The following CSMD1 variants were observed in gnomAD, a reference collection of about 807,000 sequenced individuals.
The protein encoded by CSMD1 is CUB and sushi domain-containing protein 1.
CSMD1 carries 213 observed loss-of-function variants against 417.5 expected under a neutral mutation model. The ratio of observed to expected loss-of-function variants is 0.51; its 90% CI spans 0.46 to 0.57. CSMD1 has a LOEUF of 0.57. CSMD1 is among the 20% of genes least tolerant of loss of function. The pLI is 0.00. For missense variants in CSMD1, 6,923 were observed against 4,529.7 expected (o/e 1.53, Z -15.17); for synonymous variants, 2,862 against 1,736.8 (o/e 1.65, Z -16.11).
chr8:4,402,969 G>A (rs148748098), intron 3 of CSMD1, among the ~76,000 whole-genome samples: 5 of 151,726 alleles, frequency 3.3e-5, no homozygotes, highest in African/African-American at 1.2e-4. Flanking sequence ...ACAGGTACCT[G>A]CCACCATGCC....
intron 26 of CSMD1, among the ~76,000 whole-genome samples, chr8:3,270,845 T>G (rs1161850004): frequency 1.3e-5 from 2 of 152,168 alleles, no homozygotes; most frequent in African/African-American, 4.8e-5. Flanking sequence ...ACTCACAGTT[T>G]CACATGGCTG....
At chr8:4,227,689 T>G (rs1213289871) in intron 3 of CSMD1, among the ~76,000 whole-genome samples, 1 of 151,882 alleles carries the variant, frequency 6.6e-6, no homozygotes, top group Non-Finnish European at 1.5e-5. Flanking sequence ...CATCCTACAT[T>G]AAACCCCACA....
chr8:4,226,125 C>G (rs1441605090), intron 3 of CSMD1, among the ~76,000 whole-genome samples: 1 of 151,740 alleles, frequency 6.6e-6, no homozygotes, highest in African/African-American at 2.4e-5. Flanking sequence ...CACATACACA[C>G]TTGCTAGCAT....
chr8:4,839,388 C>T (rs1640169384), intron 1 of CSMD1, among the ~76,000 whole-genome samples: 1 of 152,130 alleles, frequency 6.6e-6, no homozygotes, highest in Admixed American at 6.5e-5. Flanking sequence ...AGTATCACAT[C>T]ACAGTTAGCT....
chr8:3,823,644 C>A (rs892964648), intron 5 of CSMD1, among the ~76,000 whole-genome samples: 2 of 151,936 alleles, frequency 1.3e-5, no homozygotes, highest in Non-Finnish European at 2.9e-5. Flanking sequence ...TAATGTATAA[C>A]AATAAAAATA....
At chr8:3,414,628 T>G (rs1280232295) in intron 12 of CSMD1, among the ~76,000 whole-genome samples, 1 of 152,186 alleles carries the variant, frequency 6.6e-6, no homozygotes, top group African/African-American at 2.4e-5. Flanking sequence ...GTGACCAACT[T>G]TGTTCTTAGT....
chr8:3,326,521 C>G (rs528707345), intron 23 of CSMD1, among the ~76,000 whole-genome samples: 2 of 152,286 alleles, frequency 1.3e-5, no homozygotes, highest in Admixed American at 6.5e-5. Flanking sequence ...ACGTTTGGCC[C>G]CAAGTGCCTT....
At chr8:4,143,893 C>A (rs35522262) in intron 3 of CSMD1, among the ~76,000 whole-genome samples, 45,023 of 150,542 alleles carry the variant, frequency 0.3, 8,351 homozygotes, top group Non-Finnish European at 0.39. Context: ...GAATTTGGTC[C>A]CTGGCTAATT....
intron 12 of CSMD1, among the ~76,000 whole-genome samples, chr8:3,420,886 TG>T (rs1189375154): frequency 3.9e-5 from 6 of 152,198 alleles, no homozygotes; most frequent in Non-Finnish European, 8.8e-5. Flanking sequence ...TTCCCATGAT[TG>T]AGAAAAATCA....
chr8:3,176,982 T>A (rs1044135507), intron 37 of CSMD1, among the ~76,000 whole-genome samples: 2 of 152,018 alleles, frequency 1.3e-5, no homozygotes, highest in Non-Finnish European at 2.9e-5. Context: ...TTTGCCATGT[T>A]GCCCAGGCTG....
At chr8:4,033,413 G>A (rs943790375) in intron 3 of CSMD1, among the ~76,000 whole-genome samples, 1 of 152,192 alleles carries the variant, frequency 6.6e-6, no homozygotes, top group Non-Finnish European at 1.5e-5. Flanking sequence ...CTGCACTCCA[G>A]CGTGGGTGAC....
chr8:3,979,964 A>G (rs1235141418), intron 5 of CSMD1, among the ~76,000 whole-genome samples: 2 of 152,244 alleles, frequency 1.3e-5, no homozygotes, highest in African/African-American at 2.4e-5. Flanking sequence ...CAACACTGCC[A>G]AAGTTAAATA....
intron 40 of CSMD1, among the ~76,000 whole-genome samples, chr8:3,146,682 C>T (rs1157918710): frequency 1.3e-5 from 2 of 152,046 alleles, no homozygotes; most frequent in Non-Finnish European, 2.9e-5. Context: ...GTCACTGTCC[C>T]GCAGTAGGTC....
chr8:3,409,386 G>C lies in CSMD1; in HGVS notation c.1744+37C>G, dbSNP rs1425049157. The C allele has an allele frequency of 1.9e-6, 3 of 1,557,420 alleles. No individual in the cohort carries two copies. The African/African-American group carries it at 4.1e-5, about 21-fold the overall frequency. On this transcript the variant is annotated intron_variant, in intron 13 of 69. Coordinates refer to ENST00000635120, the MANE Select transcript of CSMD1 (RefSeq NM_033225.6). ...TTTCTCCCCTTGCAAGATCCTTGCA[G>C]GACAGGAGGGAGTCCAGGTCAAGGC...
At chr8:3,263,464 T>G (rs958685922) in intron 26 of CSMD1, among the ~76,000 whole-genome samples, 2 of 152,220 alleles carry the variant, frequency 1.3e-5, no homozygotes, top group African/African-American at 4.8e-5. Flanking sequence ...ATTGGGTCTT[T>G]GTTTATCTCA....
intron 29 of CSMD1, among the ~76,000 whole-genome samples, chr8:3,216,969 T>G (rs1246560616): frequency 6.6e-6 from 1 of 152,202 alleles, no homozygotes; most frequent in East Asian, 1.9e-4. Context: ...TGCCCTAGGC[T>G]GGATGCAATG....
intron 3 of CSMD1, among the ~76,000 whole-genome samples, chr8:4,042,722 G>C (rs548316794): frequency 1.4e-5 from 2 of 147,880 alleles, no homozygotes; most frequent in South Asian, 2.2e-4. Context: ...AGAAGTGACA[G>C]AAATGACAGC....
intron 54 of CSMD1, among the ~76,000 whole-genome samples, chr8:2,996,268 G>A (rs970438718): frequency 2.6e-5 from 4 of 151,926 alleles, no homozygotes; most frequent in Admixed American, 6.6e-5. Context: ...ATATAAACAC[G>A]TAATTTAGTA....
At chr8:3,640,722 C>G (rs193294929) in intron 7 of CSMD1, among the ~76,000 whole-genome samples, 31 of 152,270 alleles carry the variant, frequency 2.0e-4, no homozygotes, top group African/African-American at 7.2e-4. Context: ...GTGTAGAAAC[C>G]ATGTTGTCCC....
Sources: gnomAD v4.1 joint callset for allele counts (sites outside exome capture counted in the v4.1 genomes callset) on GRCh38, gnomAD v4.1.1 for gene constraint, MANE v1.5 for transcripts, NCBI Gene and HGNC (gene_info 2026-07-23, HGNC 2026-07-21) for gene names.